The following GPLD1 variants were observed in gnomAD, a reference collection of about 807,000 sequenced individuals.
The protein encoded by GPLD1 is phosphatidylinositol-glycan-specific phospholipase D.
A neutral mutation model predicts 112.6 loss-of-function variants in GPLD1; 84 were observed. The observed-to-expected ratio is 0.75, with a 90% CI of 0.63 to 0.89. The LOEUF (loss-of-function observed/expected upper bound fraction) is 0.89, where lower values mean the gene tolerates loss of function less well. Among genes scored for constraint, GPLD1 ranks in the 40% least tolerant of loss-of-function variants. The probability of loss-of-function intolerance (pLI) is 0.00; values close to 1 mark genes in which losing one functional copy is unlikely to be tolerated. For synonymous variants in GPLD1, 386 were observed against 403.8 expected (o/e 0.96, Z 0.53); for missense variants, 1,044 against 1,051.5 (o/e 0.99, Z 0.10).
intron 12 of GPLD1, 54 bp downstream of exon 12, chr6:24,460,225 G>A: frequency 3.1e-6 from 5 of 1,601,312 alleles, no homozygotes; most frequent in Non-Finnish European, 3.4e-6. Flanking sequence ...AGCGAAACAA[G>A]GTATCTCAAG....
At chr6:24,457,944 C>G (rs1424988142) in intron 12 of GPLD1, among the ~76,000 whole-genome samples, 2 of 151,684 alleles carry the variant, frequency 1.3e-5, no homozygotes, top group African/African-American at 4.8e-5. Flanking sequence ...CAGGCAGGCA[C>G]GAGAGGTCAC....
At chr6:24,433,144 AG>A in intron 24 of GPLD1, 42 bp downstream of exon 24, 1 of 1,326,336 alleles carries the variant, frequency 7.5e-7, no homozygotes, top group Non-Finnish European at 1.1e-6. Flanking sequence ...TCCCACCCGT[AG>A]TACTAACATA....
At chr6:24,446,569 G>A (rs901457224) in intron 18 of GPLD1, among the ~76,000 whole-genome samples, 35 of 152,230 alleles carry the variant, frequency 2.3e-4, no homozygotes, top group African/African-American at 8.2e-4. Context: ...GCAAGCCAAG[G>A]AGACAGGCCT....
At chr6:24,461,345 GA>G (rs745947970) in intron 11 of GPLD1, among the ~76,000 whole-genome samples, 34 of 147,930 alleles carry the variant, frequency 2.3e-4, no homozygotes, top group African/African-American at 5.5e-4. Context: ...AAAAGAAAAA[GA>G]AAAAAAAAAG....
At chr6:24,447,025 G>A (rs756409075) in intron 17 of GPLD1, 46 bp from the exon 18 acceptor site, 1 of 1,544,562 alleles carries the variant, frequency 6.5e-7, no homozygotes, top group Non-Finnish European at 8.8e-7. Flanking sequence ...TAAGTGAGAG[G>A]ACTACTGGGA....
chr6:24,445,487 GACA>G, intron 20 of GPLD1, 56 bp downstream of exon 20: 1 of 1,075,662 alleles, frequency 9.3e-7, no homozygotes, highest in Non-Finnish European at 1.4e-6. Flanking sequence ...CCTCCAATAC[GACA>G]TGTACAAGCA....
intron 2 of GPLD1, among the ~76,000 whole-genome samples, chr6:24,483,600 C>A (rs1764273877): frequency 6.6e-6 from 1 of 150,864 alleles, no homozygotes; most frequent in South Asian, 2.1e-4. Context: ...ATCGCTTGAA[C>A]CTGGGAGGTG....
At chr6:24,435,303 G>A (rs976754504) in intron 22 of GPLD1, among the ~76,000 whole-genome samples, 12 of 152,184 alleles carry the variant, frequency 7.9e-5, no homozygotes, top group Middle Eastern at 3.4e-3. Flanking sequence ...GAGCCACTGC[G>A]CCCGGCCAAT....
At chr6:24,472,968 G>T (rs1216039473) in intron 6 of GPLD1, 1 of 199,298 alleles carries the variant, frequency 5.0e-6, no homozygotes, top group East Asian at 1.5e-4. Context: ...TAGAGGTGGG[G>T]TTTCACCATG....
At chr6:24,472,825 G>A (rs559463835) in intron 6 of GPLD1, among the ~76,000 whole-genome samples, 189 bp from the exon 7 acceptor site, 1 of 151,844 alleles carries the variant, frequency 6.6e-6, no homozygotes, top group Admixed American at 6.6e-5. Flanking sequence ...GCCCAGGCTG[G>A]AGTGCAATGG....
chr6:24,463,710 T>C (rs147119660), intron 10 of GPLD1, among the ~76,000 whole-genome samples: 1 of 152,334 alleles, frequency 6.6e-6, no homozygotes, highest in Admixed American at 6.5e-5. Context: ...CCAAATAACA[T>C]AAGTGAGCTT....
chr6:24,436,516 A>G, intron 22 of GPLD1, 60 bp downstream of exon 22: 1 of 1,435,354 alleles, frequency 7.0e-7, no homozygotes, highest in South Asian at 1.2e-5. Flanking sequence ...ATGAGTTAAC[A>G]AGGAATCAGC....
rs542201525 is a variant in GPLD1 at position 24,455,797 on chromosome 6, A to C, written c.1148+701T>G. Among the ~76,000 whole-genome samples, 20 of 152,352 alleles carry C rather than the reference A, an allele frequency of 1.3e-4. No homozygotes were observed. The South Asian group carries it at 4.1e-3, about 32-fold the overall frequency. ...CAATCCTTTATTGTTGTGATTATTT[A>C]GTAAACCGAAAGTTCCTTGTATTTA... On this transcript the variant is annotated intron_variant, in intron 13 of 24. Coordinates refer to ENST00000230036, the MANE Select transcript of GPLD1 (RefSeq NM_001503.4).
At chr6:24,442,923 AAG>A (rs1762793829) in intron 20 of GPLD1, among the ~76,000 whole-genome samples, 1 of 152,242 alleles carries the variant, frequency 6.6e-6, no homozygotes, top group Admixed American at 6.5e-5. Context: ...AAAAATTATC[AAG>A]AGAGTAAGGG....
chr6:24,456,697 G>A, intron 12 of GPLD1, 60 bp from the exon 13 acceptor site: 2 of 1,165,680 alleles, frequency 1.7e-6, no homozygotes, highest in Non-Finnish European at 1.2e-6. Context: ...CAAAGCTACT[G>A]TTTCCTGTCC....
chr6:24,469,363 G>C (rs1763722595), intron 7 of GPLD1, among the ~76,000 whole-genome samples: 1 of 128,792 alleles, frequency 7.8e-6, no homozygotes, highest in African/African-American at 3.0e-5. Context: ...CAATAGCAAA[G>C]ACTTGGAACC....
At position 24,432,975 on chromosome 6, in the gene GPLD1, C is replaced by T. The variant is rs377187475; in HGVS notation, c.2436+212G>A. On this transcript the variant is annotated intron_variant, in intron 24 of 24. Coordinates refer to ENST00000230036, the MANE Select transcript of GPLD1 (RefSeq NM_001503.4). ...AAAATTAGGTGGCAGACGACTTGGC[C>T]CCAACCCCTGCTGTAGAGGATAAAA... Among the ~76,000 whole-genome samples, 35 of 152,286 alleles carry T rather than the reference C, an allele frequency of 2.3e-4. No homozygotes were observed. In the South Asian group the frequency reaches 7.0e-3, roughly 31 times the overall value.
At chr6:24,438,046 T>C (rs1428992663) in intron 20 of GPLD1, among the ~76,000 whole-genome samples, 1 of 152,236 alleles carries the variant, frequency 6.6e-6, no homozygotes, top group African/African-American at 2.4e-5. Context: ...GATTGTGTCC[T>C]GACCCCAGGA....
chr6:24,479,918 C>CACGATTCCAGCCTGAT lies in GPLD1; in HGVS notation c.179_194dup (p.Phe66SerfsTer8). ...TGCTAGGGTAAAAACAATCAGGAAA[C>CACGATTCCAGCCTGAT]ACGATTCCAGCCTGATACGCATCCT... On this transcript the variant is annotated frameshift_variant, in exon 3 of 25. Coordinates refer to ENST00000230036, the MANE Select transcript of GPLD1 (RefSeq NM_001503.4). LOFTEE classifies it high-confidence loss of function. 1.9e-6 allele frequency: 3 copies of CACGATTCCAGCCTGAT among 1,611,456 alleles called. No individual in the cohort carries two copies. Among genetic ancestry groups the CACGATTCCAGCCTGAT allele is most frequent in the Non-Finnish European group, 2.5e-6 (3 of 1,177,598 alleles).
Sources: allele counts gnomAD v4.1 joint callset (sites outside exome capture counted in the v4.1 genomes callset), GRCh38; gene constraint gnomAD v4.1.1; transcripts MANE v1.5; gene names NCBI Gene and HGNC (gene_info 2026-07-23, HGNC 2026-07-21).